CELF4: variants seen among roughly 807,000 people sequenced by gnomAD.
The protein encoded by CELF4 is CUGBP Elav-like family member 4.
In CELF4, 18 loss-of-function variants were observed where a neutral mutation model predicts 59.9. The ratio of observed to expected loss-of-function variants is 0.30; its 90% confidence interval spans 0.21 to 0.45. The LOEUF (loss-of-function observed/expected upper bound fraction) is 0.45. CELF4 is among the 20% of genes least tolerant of loss of function. The pLI, the probability that CELF4 is intolerant of heterozygous loss-of-function variation, is 1.00. For synonymous variants in CELF4, 261 were observed against 267.1 expected (o/e 0.98, Z 0.22); for missense variants, 456 against 689.0 (o/e 0.66, Z 3.79).
intron 2 of CELF4, among the ~76,000 whole-genome samples, chr18:37,465,177 T>C (rs765714648): frequency 1.4e-4 from 21 of 152,210 alleles, no homozygotes; most frequent in Non-Finnish European, 3.1e-4. Flanking sequence ...TTATTGCTTA[T>C]TATATATTAT....
chr18:37,554,058 G>A (rs1025432287), intron 1 of CELF4, among the ~76,000 whole-genome samples: 1 of 152,248 alleles, frequency 6.6e-6, no homozygotes, highest in African/African-American at 2.4e-5. Flanking sequence ...CTAGAGCCAG[G>A]CCTTGTGGCT....
chr18:37,298,834 C>T (rs1014224781), intron 3 of CELF4, among the ~76,000 whole-genome samples: 2 of 152,074 alleles, frequency 1.3e-5, no homozygotes, highest in Non-Finnish European at 2.9e-5. Context: ...TCCAGCCAAG[C>T]GGGGCCCGGT....
At chr18:37,376,251 TCTACCTTTCAAGAGGCCAA>T (rs1223445364) in intron 2 of CELF4, among the ~76,000 whole-genome samples, 1 of 152,108 alleles carries the variant, frequency 6.6e-6, no homozygotes, top group Non-Finnish European at 1.5e-5. Context: ...TTTTGGGCCA[TCTACCTTTCAAGAGGCCAA>T]CTACCTTCCT....
intron 1 of CELF4, among the ~76,000 whole-genome samples, chr18:37,526,941 G>A (rs1432233532): frequency 2.0e-5 from 3 of 152,096 alleles, no homozygotes; most frequent in Non-Finnish European, 4.4e-5. Flanking sequence ...CAAGCCACCC[G>A]ACATGTCCGG....
intron 2 of CELF4, among the ~76,000 whole-genome samples, chr18:37,452,411 G>A (rs1157088535): frequency 3.9e-5 from 6 of 152,074 alleles, no homozygotes; most frequent in Non-Finnish European, 8.8e-5. Flanking sequence ...GGAACCCCAA[G>A]GTGGACCCAG....
chr18:37,271,413 C>T (rs2091230561), intron 7 of CELF4, among the ~76,000 whole-genome samples: 1 of 152,102 alleles, frequency 6.6e-6, no homozygotes, highest in Admixed American at 6.6e-5. Flanking sequence ...CACCACCAGG[C>T]CCAGCTAATT....
At chr18:37,411,553 G>A (rs927184544) in intron 2 of CELF4, among the ~76,000 whole-genome samples, 9 of 152,222 alleles carry the variant, frequency 5.9e-5, no homozygotes, top group Admixed American at 5.9e-4. Context: ...GGGCACTGCT[G>A]CTACTTGCTT....
chr18:37,562,538 TG>T, intron 1 of CELF4, among the ~76,000 whole-genome samples: 1 of 152,186 alleles, frequency 6.6e-6, no homozygotes, highest in Non-Finnish European at 1.5e-5. Context: ...AACAAAGGCA[TG>T]ATTCTATCCC....
At chr18:37,435,548 G>C (rs899353295) in intron 2 of CELF4, among the ~76,000 whole-genome samples, 5 of 152,180 alleles carry the variant, frequency 3.3e-5, no homozygotes, top group African/African-American at 1.2e-4. Flanking sequence ...AGAGCAGACT[G>C]AGACAACTGC....
intron 2 of CELF4, among the ~76,000 whole-genome samples, chr18:37,454,776 A>T (rs1357597052): frequency 6.6e-6 from 1 of 152,128 alleles, no homozygotes. Flanking sequence ...TTTTAAAAAT[A>T]ACATGATTAA....
intron 2 of CELF4, among the ~76,000 whole-genome samples, chr18:37,447,110 A>C (rs2099750287): frequency 6.6e-6 from 1 of 152,214 alleles, no homozygotes; most frequent in African/African-American, 2.4e-5. Context: ...AAAAAAAAAT[A>C]ATCCGATAAA....
intron 2 of CELF4, among the ~76,000 whole-genome samples, chr18:37,362,283 TC>T (rs2098715640): frequency 1.0e-5 from 1 of 99,516 alleles, no homozygotes; most frequent in African/African-American, 3.3e-5. Flanking sequence ...CCAGCCCCGC[TC>T]CTCCTCCTCC....
chr18:37,448,310 G>A (rs192794707), intron 2 of CELF4, among the ~76,000 whole-genome samples: 1 of 152,318 alleles, frequency 6.6e-6, no homozygotes, highest in Admixed American at 6.5e-5. Flanking sequence ...CAGGGCCCTG[G>A]GTGCTGGCAG....
At chr18:37,416,834 C>T (rs2099533026) in intron 2 of CELF4, among the ~76,000 whole-genome samples, 1 of 152,072 alleles carries the variant, frequency 6.6e-6, no homozygotes, top group African/African-American at 2.4e-5. Context: ...TGCACTTCTG[C>T]AATCAGGTAG....
intron 2 of CELF4, among the ~76,000 whole-genome samples, chr18:37,339,785 C>G (rs2097922929): frequency 6.7e-6 from 1 of 150,342 alleles, no homozygotes; most frequent in South Asian, 2.1e-4. Context: ...TGGGAGGCAT[C>G]TTGCTGGGTT....
intron 1 of CELF4, among the ~76,000 whole-genome samples, chr18:37,525,007 CCCT>C (rs918924659): frequency 1.3e-5 from 2 of 152,160 alleles, no homozygotes; most frequent in Non-Finnish European, 2.9e-5. Flanking sequence ...TCTCCGCCTG[CCCT>C]CCTCCCTTCT....
At chr18:37,404,450 C>G (rs1476487126) in intron 2 of CELF4, among the ~76,000 whole-genome samples, 1 of 152,208 alleles carries the variant, frequency 6.6e-6, no homozygotes, top group Non-Finnish European at 1.5e-5. Context: ...GGAGTAGGAT[C>G]TGGGGCATAG....
intron 1 of CELF4, among the ~76,000 whole-genome samples, chr18:37,523,376 A>T (rs539952632): frequency 6.6e-6 from 1 of 152,278 alleles, no homozygotes; most frequent in South Asian, 2.1e-4. Context: ...CCACCCCTCC[A>T]GGGGTAGACA....
chr18:37,383,001 A>G (rs921878102), intron 2 of CELF4, among the ~76,000 whole-genome samples: 22 of 148,222 alleles, frequency 1.5e-4, no homozygotes, highest in African/African-American at 5.5e-4. Context: ...ACATAACAAT[A>G]TTATGTATGT....
Sources: gnomAD v4.1 joint callset for allele counts (sites outside exome capture counted in the v4.1 genomes callset) on GRCh38, gnomAD v4.1.1 for gene constraint, MANE v1.5 for transcripts, NCBI Gene and HGNC (gene_info 2026-07-23, HGNC 2026-07-21) for gene names.